Variants in TNIK observed in about 807,000 individuals in gnomAD.
TNIK encodes TRAF2 and NCK-interacting protein kinase.
In TNIK, 49 loss-of-function variants were observed where a neutral mutation model predicts 191.3. That is an observed-to-expected ratio of 0.26 (90% CI 0.20 to 0.32). The LOEUF (loss-of-function observed/expected upper bound fraction) is 0.32. TNIK is among the 10% of genes least tolerant of loss of function. The pLI, the probability that TNIK is intolerant of heterozygous loss-of-function variation, is 1.00. For synonymous variants in TNIK, 594 were observed against 600.9 expected, an observed-to-expected ratio of 0.99 and a Z score of 0.17; for missense variants, 1,155 against 1,702.3, an observed-to-expected ratio of 0.68 and a Z score of 5.66.
intron 22 of TNIK, among the ~76,000 whole-genome samples, chr3:171,094,679 A>T (rs1292096895): frequency 6.6e-6 from 1 of 152,038 alleles, no homozygotes; most frequent in African/African-American, 2.4e-5. Flanking sequence ...TCTGCCTGGA[A>T]AGTTCTTTCC....
At position 171,071,214 on chromosome 3, in the gene TNIK, C is replaced by G. The variant is rs1256346006; in HGVS notation, c.3549+9G>C. On this transcript the variant is annotated intron_variant, in intron 29 of 32. Coordinates refer to ENST00000436636, the MANE Select transcript of TNIK (RefSeq NM_015028.4). ...AAAGCACATTTTAGATAATCACATC[C>G]CTGCTTACCTTAAATGCCATGAATT... The G allele has an allele frequency of 6.3e-7, 1 of 1,580,692 alleles. No individual in the cohort carries two copies. Among genetic ancestry groups the G allele is most frequent in the African/African-American group, 1.4e-5 (1 of 73,798 alleles).
chr3:171,146,660 C>T (rs1012297752), intron 12 of TNIK, among the ~76,000 whole-genome samples: 11 of 152,108 alleles, frequency 7.2e-5, no homozygotes, highest in African/African-American at 2.4e-4. Flanking sequence ...GAGGCCAAGG[C>T]GAGCGGATCA....
intron 1 of TNIK, among the ~76,000 whole-genome samples, chr3:171,448,252 C>T (rs1727749767): frequency 6.6e-6 from 1 of 152,170 alleles, no homozygotes; most frequent in African/African-American, 2.4e-5. Context: ...GTTGTACAAA[C>T]ATCTGCACTA....
intron 26 of TNIK, chr3:171,082,719 A>C: frequency 4.6e-6 from 1 of 216,424 alleles, no homozygotes; most frequent in Non-Finnish European, 9.1e-6. Context: ...TGCCTGGAAA[A>C]ACCACTTCTT....
At chr3:171,173,731 T>A (rs537213510) in intron 9 of TNIK, among the ~76,000 whole-genome samples, 4 of 152,184 alleles carry the variant, frequency 2.6e-5, no homozygotes, top group African/African-American at 9.6e-5. Context: ...AGAATACGTG[T>A]CCTGCAGCAG....
At position 171,062,758 on chromosome 3, in the gene TNIK, C is replaced by T. The variant is rs1171429475; in HGVS notation, c.*1123G>A. ...ACCCACACAGGGAGAACACAGGCAG[C>T]TCAGAAACATTTATTATTAATTTTT... is the stretch of plus-strand genomic sequence containing the variant. On this transcript the variant is annotated 3_prime_UTR_variant, in exon 33 of 33. Transcript: ENST00000436636. 6.6e-6 allele frequency: 1 copy of T among 152,054 alleles called. No individual in the cohort carries two copies. The highest frequency in any genetic ancestry group is 1.5e-5 in the Non-Finnish European group (1 of 68,046). The allele number at this position is 152,054 out of a possible 1,614,324, so 9.4% of individuals were successfully genotyped here.
Position 171,138,271 on chromosome 3 carries a change from G to C in TNIK, c.1528C>G (p.Gln510Glu), listed in dbSNP as rs1730321709. The C allele has an allele frequency of 6.2e-7, 1 of 1,613,600 alleles. No individual in the cohort carries two copies. Among genetic ancestry groups the C allele is most frequent in the East Asian group, 2.2e-5 (1 of 44,836 alleles). ...AGTGGCTTCTTCTCCACAGGCCTCT[G>C]CTCCTGCCGCTGATGCTGAAGGGAA... ...LVSLQHQRQEQRPVEKKPLYH... is the reference protein window; with the variant it reads ...LVSLQHQRQEERPVEKKPLYH... The change falls in exon 15 of 33, where the codon CAG (glutamine) becomes GAG (glutamate). Residue 510 changes from glutamine to glutamate, a missense_variant. Physicochemically the swap from Gln to Glu is conservative, Grantham distance 29. Transcript: ENST00000436636.
intron 2 of TNIK, among the ~76,000 whole-genome samples, chr3:171,368,059 C>T (rs1715988243): frequency 6.6e-6 from 1 of 152,070 alleles, no homozygotes; most frequent in South Asian, 2.1e-4. Context: ...GTTTCCTTGC[C>T]TTTTTCAAAT....
Position 171,101,516 on chromosome 3 carries a change from C to T in TNIK, c.2524G>A (p.Glu842Lys). The stretch of plus-strand genomic sequence containing the variant: ...GTCTCGCTCTCTCCATCTTCCTCCT[C>T]TTCCTCGCTACTTTCTGACTCCTCA... ...SSEESESSEE[E>K]EEDGESETHD... The change falls in exon 22 of 33, where the codon GAG becomes AAG. Residue 842 changes from glutamate to lysine, a missense_variant. This residue lies in a region of TNIK where 735 missense variants were observed against 848.0 expected (regional missense o/e 0.87). Coordinates refer to ENST00000436636, the MANE Select transcript of TNIK (RefSeq NM_015028.4). The T allele has an allele frequency of 6.2e-7, 1 of 1,613,614 alleles. No individual in the cohort carries two copies. Among genetic ancestry groups the T allele is most frequent in the Non-Finnish European group, 8.5e-7 (1 of 1,179,618 alleles).
At chr3:171,448,031 A>G (rs753524995) in intron 1 of TNIK, among the ~76,000 whole-genome samples, 16 of 152,238 alleles carry the variant, frequency 1.1e-4, no homozygotes, top group Non-Finnish European at 1.6e-4. Context: ...ATATTTATAA[A>G]TGAAATAATA....
intron 1 of TNIK, among the ~76,000 whole-genome samples, chr3:171,385,852 A>G (rs1166452683): frequency 3.3e-5 from 5 of 152,228 alleles, no homozygotes; most frequent in Non-Finnish European, 7.3e-5. Flanking sequence ...AGGCAAATGG[A>G]TTTCAAGTAT....
intron 28 of TNIK, among the ~76,000 whole-genome samples, chr3:171,075,612 A>G (rs1719794690): frequency 6.6e-6 from 1 of 152,250 alleles, no homozygotes; most frequent in Non-Finnish European, 1.5e-5. Flanking sequence ...CTTTTTAAAA[A>G]AACAAATACT....
At chr3:171,087,573 C>T (rs1232497815) in intron 23 of TNIK, 67 bp from the exon 24 acceptor site, 3 of 1,570,696 alleles carry the variant, frequency 1.9e-6, no homozygotes, top group East Asian at 2.2e-5. Context: ...GACATCAGCC[C>T]TCACACAGCA....
intron 1 of TNIK, among the ~76,000 whole-genome samples, chr3:171,457,019 G>GTGTTCTACAA (rs1728867661): frequency 6.6e-6 from 1 of 152,204 alleles, no homozygotes; most frequent in Admixed American, 6.5e-5. Context: ...GAGTGGCTGA[G>GTGTTCTACAA]TGTTCTACAA....
At chr3:171,274,870 T>G (rs923592445) in intron 2 of TNIK, among the ~76,000 whole-genome samples, 3 of 152,192 alleles carry the variant, frequency 2.0e-5, no homozygotes, top group African/African-American at 7.2e-5. Context: ...GGCAGAAGAA[T>G]CTACAGTGTA....
chr3:171,088,829 A>AGCCCAGGTGC (rs1721691694), intron 23 of TNIK, among the ~76,000 whole-genome samples: 1 of 152,212 alleles, frequency 6.6e-6, no homozygotes. Flanking sequence ...CTTAGAGCAG[A>AGCCCAGGTGC]TCTGATTAAG....
intron 10 of TNIK, among the ~76,000 whole-genome samples, chr3:171,164,196 A>C (rs938813388): frequency 5.9e-5 from 9 of 152,218 alleles, no homozygotes; most frequent in African/African-American, 2.2e-4. Flanking sequence ...TCTGCAGAGA[A>C]CAAACACATT....
chr3:171,310,161 T>G (rs928945857), intron 2 of TNIK, among the ~76,000 whole-genome samples: 5 of 152,160 alleles, frequency 3.3e-5, no homozygotes, highest in Admixed American at 6.6e-5. Context: ...CACATGCTAC[T>G]GCCTCTTTGG....
chr3:171,266,650 C>T (rs984276704), intron 2 of TNIK, among the ~76,000 whole-genome samples: 5 of 152,170 alleles, frequency 3.3e-5, no homozygotes, highest in Non-Finnish European at 4.4e-5. Flanking sequence ...CTGCATGCTT[C>T]CATGGGAAAA....
Sources: gnomAD v4.1 joint callset for allele counts (sites outside exome capture counted in the v4.1 genomes callset) on GRCh38, gnomAD v4.1.1 for gene constraint, gnomAD v4.1.1 regional missense constraint, MANE v1.5 for transcripts, NCBI Gene and HGNC (gene_info 2026-07-23, HGNC 2026-07-21) for gene names.